The following GDAP1 variants were observed in gnomAD, a reference collection of about 807,000 sequenced individuals.
GDAP1 encodes ganglioside-induced differentiation-associated protein 1.
A neutral mutation model predicts 40.1 loss-of-function variants in GDAP1; 34 were observed. The ratio of observed to expected loss-of-function variants is 0.85; its 90% CI spans 0.64 to 1.13. GDAP1 has a LOEUF of 1.13. Ranked by LOEUF, GDAP1 falls within the 50% of genes most tolerant of loss-of-function variation. The pLI is 0.00. For missense variants in GDAP1, 374 were observed against 433.7 expected, an observed-to-expected ratio of 0.86 and a Z score of 1.22; for synonymous variants, 170 against 157.4, an observed-to-expected ratio of 1.08 and a Z score of -0.60.
rs1482560575 is a variant in GDAP1, at chr8:74,467,495, G to C, written c.166-21183G>C. On this transcript the variant is annotated intron_variant, in intron 2 of 2. Transcript: ENST00000523640. ...AGAGAGAGTATAATGATTGATCCTAGATTTTAAGTGGGTAAGTTCAGTGAA... is the reference window on the plus strand; with the variant it reads ...AGAGAGAGTATAATGATTGATCCTACATTTTAAGTGGGTAAGTTCAGTGAA... 2.0e-5 allele frequency among the ~76,000 whole-genome samples: 3 copies of C among 152,178 alleles called. No individual in the cohort carries two copies. In the East Asian group the frequency reaches 5.8e-4, roughly 29 times the overall value.
chr8:74,456,512 A>G (rs1283567048), intron 2 of GDAP1, among the ~76,000 whole-genome samples: 1 of 151,960 alleles, frequency 6.6e-6, no homozygotes, highest in Non-Finnish European at 1.5e-5. Context: ...TAATAGAAAA[A>G]TTCGTTTTGG....
Position 74,473,927 on chromosome 8 carries a change from C to T in GDAP1, c.166-14751C>T, listed in dbSNP as rs926714154. ...AACCATTTTAATAATATTGATTGTTCCTATCCATGCACATGGAATATTTTT... is the reference window on the plus strand; with the variant it reads ...AACCATTTTAATAATATTGATTGTTTCTATCCATGCACATGGAATATTTTT... On this transcript the variant is annotated intron_variant, in intron 2 of 2. Transcript: ENST00000523640. 4.6e-5 allele frequency among the ~76,000 whole-genome samples: 7 copies of T among 152,102 alleles called. No homozygotes were observed. The East Asian group carries it at 1.3e-3, about 29-fold the overall frequency.
intron 2 of GDAP1, among the ~76,000 whole-genome samples, chr8:74,478,020 G>A (rs1358277655): frequency 2.0e-5 from 3 of 152,000 alleles, no homozygotes; most frequent in Non-Finnish European, 2.9e-5. Flanking sequence ...CGAGTCAGTG[G>A]CAGTGACTGT....
intron 2 of GDAP1, among the ~76,000 whole-genome samples, chr8:74,394,302 C>G (rs953565077): frequency 1.3e-5 from 2 of 152,146 alleles, no homozygotes; most frequent in Admixed American, 1.3e-4. Flanking sequence ...TGGGTCCCTC[C>G]CATGACACGT....
chr8:74,360,204 G>A lies in GDAP1; in HGVS notation c.378G>A (p.Glu126=). 1.2e-6 allele frequency: 2 copies of A among 1,613,394 alleles called. No individual in the cohort carries two copies. Among genetic ancestry groups the A allele is most frequent in the Non-Finnish European group, 1.7e-6 (2 of 1,179,360 alleles). The change falls in exon 3 of 6, where the codon GAG becomes GAA. Residue 126 remains glutamate (E), a synonymous_variant. Coordinates refer to ENST00000220822, the MANE Select transcript of GDAP1 (RefSeq NM_018972.4). Reference sequence around the variant, plus strand: ...ACCCACGGGTACAACATTACCGAGAGCTGCTTGACTCCTTGCCAATGGATG... The same window carrying A: ...ACCCACGGGTACAACATTACCGAGAACTGCTTGACTCCTTGCCAATGGATG... ...MYYPRVQHYR[E]LLDSLPMDAY... is the part of the protein sequence containing the mutation.
At chr8:74,419,968 A>G (rs1805834958) in intron 2 of GDAP1, among the ~76,000 whole-genome samples, 1 of 152,200 alleles carries the variant, frequency 6.6e-6, no homozygotes, top group African/African-American at 2.4e-5. Flanking sequence ...TTGGCCATAC[A>G]TATATGGATT....
chr8:74,390,293 G>T (rs950954389), intron 2 of GDAP1, among the ~76,000 whole-genome samples: 1 of 152,148 alleles, frequency 6.6e-6, no homozygotes, highest in African/African-American at 2.4e-5. Flanking sequence ...GCCTTTTTGC[G>T]CTGGTTTTTC....
chr8:74,472,032 T>A (rs1045002814), intron 2 of GDAP1, among the ~76,000 whole-genome samples: 1 of 152,148 alleles, frequency 6.6e-6, no homozygotes, highest in East Asian at 1.9e-4. Flanking sequence ...GTACAGATTA[T>A]TTTGTCACCA....
intron 2 of GDAP1, among the ~76,000 whole-genome samples, chr8:74,404,155 A>C (rs1805605173): frequency 6.7e-6 from 1 of 149,862 alleles, no homozygotes; most frequent in South Asian, 2.1e-4. Context: ...GCATACTCTC[A>C]TTTGATTGCT....
intron 2 of GDAP1, among the ~76,000 whole-genome samples, chr8:74,374,736 C>A (rs916998678): frequency 6.6e-6 from 1 of 151,982 alleles, no homozygotes; most frequent in African/African-American, 2.4e-5. Flanking sequence ...GCTAACTTAG[C>A]AACTAGATGA....
At chr8:74,445,649 G>T (rs923635360) in intron 2 of GDAP1, among the ~76,000 whole-genome samples, 1 of 151,954 alleles carries the variant, frequency 6.6e-6, no homozygotes, top group Non-Finnish European at 1.5e-5. Flanking sequence ...ATGCTGATTT[G>T]TATACCACTT....
chr8:74,405,176 C>T (rs1805621018), intron 2 of GDAP1, among the ~76,000 whole-genome samples: 1 of 149,708 alleles, frequency 6.7e-6, no homozygotes, highest in Non-Finnish European at 1.5e-5. Flanking sequence ...GGTAAGAGAG[C>T]TTGTGCAGGG....
intron 2 of GDAP1, among the ~76,000 whole-genome samples, chr8:74,420,539 A>G (rs769443892): frequency 2.1e-4 from 32 of 152,192 alleles, no homozygotes; most frequent in Non-Finnish European, 3.5e-4. Flanking sequence ...ACTGTCCTAT[A>G]ACAACACAAA....
intron 2 of GDAP1, among the ~76,000 whole-genome samples, chr8:74,451,451 G>GA (rs11323370): frequency 4.2e-5 from 2 of 47,408 alleles, no homozygotes; most frequent in Non-Finnish European, 7.6e-5. Flanking sequence ...CCCTGTCTCA[G>GA]AAAAAAAAAA....
At chr8:74,370,788 A>G (rs1259480669), downstream of GDAP1, among the ~76,000 whole-genome samples, 1 of 152,248 alleles carries the variant, frequency 6.6e-6, no homozygotes, top group African/African-American at 2.4e-5. Flanking sequence ...AAAAGTATGG[A>G]AAGCGATATA....
At chr8:74,453,940 A>AAC (rs59331820) in intron 2 of GDAP1, among the ~76,000 whole-genome samples, 2,830 of 59,070 alleles carry the variant, frequency 0.048, 947 homozygotes, top group Non-Finnish European at 0.064. Context: ...TTCTGAAGAA[A>AAC]ACACACACAC....
intron 2 of GDAP1, among the ~76,000 whole-genome samples, chr8:74,376,514 A>G (rs1175021483): frequency 1.3e-5 from 2 of 151,974 alleles, no homozygotes; most frequent in Admixed American, 1.3e-4. Flanking sequence ...AAGCCCGGCT[A>G]ATTTTTTGTA....
intron 2 of GDAP1, 58 bp from the exon 3 acceptor site, chr8:74,360,079 T>C: frequency 1.5e-6 from 2 of 1,294,908 alleles, no homozygotes. Context: ...TGTTTTGCTT[T>C]TGAGTGTAAC....
chr8:74,359,524 C>A (rs1311908528), intron 2 of GDAP1, among the ~76,000 whole-genome samples: 1 of 152,196 alleles, frequency 6.6e-6, no homozygotes, highest in African/African-American at 2.4e-5. Flanking sequence ...CTTTCCTGTT[C>A]CATATAGATT....
Sources: allele counts gnomAD v4.1 joint callset (sites outside exome capture counted in the v4.1 genomes callset), GRCh38; gene constraint gnomAD v4.1.1; transcripts MANE v1.5; gene names NCBI Gene and HGNC (gene_info 2026-07-23, HGNC 2026-07-21).